IPO11: variants seen among roughly 807,000 people sequenced by gnomAD.
IPO11 encodes the protein importin-11.
A neutral mutation model predicts 143.2 loss-of-function variants in IPO11; 66 were observed. That is an observed-to-expected ratio of 0.46 (90% CI 0.38 to 0.57). The LOEUF (loss-of-function observed/expected upper bound fraction) is 0.57. Ranked by LOEUF, IPO11 falls within the 20% of genes least tolerant of loss-of-function variation. The probability of loss-of-function intolerance (pLI) is 0.00; values close to 1 mark genes in which losing one functional copy is unlikely to be tolerated. For missense variants in IPO11, 1,026 were observed against 1,141.0 expected, an observed-to-expected ratio of 0.90 and a Z score of 1.45; for synonymous variants, 385 against 377.8, an observed-to-expected ratio of 1.02 and a Z score of -0.22.
At chr5:62,489,547 G>A (rs1746531546) in intron 14 of IPO11, among the ~76,000 whole-genome samples, 198 bp downstream of exon 14, 1 of 152,184 alleles carries the variant, frequency 6.6e-6, no homozygotes, top group Admixed American at 6.5e-5. Flanking sequence ...TAAAGTAGGT[G>A]ATGATCACCA....
At chr5:62,559,342 G>C (rs773129198) in intron 26 of IPO11, among the ~76,000 whole-genome samples, 1 of 151,942 alleles carries the variant, frequency 6.6e-6, no homozygotes, top group Non-Finnish European at 1.5e-5. Context: ...GAAGGATAAT[G>C]AACAGTAGGT....
At chr5:62,430,619 G>A (rs1743948483) in intron 1 of IPO11, among the ~76,000 whole-genome samples, 2 of 151,452 alleles carry the variant, frequency 1.3e-5, no homozygotes, top group African/African-American at 4.9e-5. Context: ...GCCATGCCAG[G>A]CCCCTTAATC....
Position 62,515,519 on chromosome 5 carries a change from A to G in IPO11, c.1896+18A>G, listed in dbSNP as rs369807456. 46 of 1,523,824 alleles carry G rather than the reference A, an allele frequency of 3.0e-5. No homozygotes were observed. Among genetic ancestry groups the G allele is most frequent in the Middle Eastern group, 1.8e-4 (1 of 5,570 alleles). The allele number at this position is 1,523,824 out of a possible 1,614,324, so 94.4% of individuals were successfully genotyped here. ...TTGTTCAGGTAAGTCACTTCTCCACAGAGTTTTTTTAGTTTAGTGGTTTTT... is the reference window on the plus strand; with the variant it reads ...TTGTTCAGGTAAGTCACTTCTCCACGGAGTTTTTTTAGTTTAGTGGTTTTT... On this transcript the variant is annotated intron_variant, in intron 20 of 29. Transcript: ENST00000325324.
intron 19 of IPO11, among the ~76,000 whole-genome samples, chr5:62,513,420 C>CCG (rs1554052726): frequency 7.0e-6 from 1 of 142,378 alleles, no homozygotes; most frequent in Non-Finnish European, 1.6e-5. Flanking sequence ...GCTGACCCCC[C>CCG]CCCCACCTCC....
intron 27 of IPO11, among the ~76,000 whole-genome samples, chr5:62,572,796 T>G (rs1744182972): frequency 6.6e-6 from 1 of 152,172 alleles, no homozygotes; most frequent in Admixed American, 6.5e-5. Flanking sequence ...TTGCTCAGGC[T>G]GGTCTTGAAC....
chr5:62,440,747 G>T (rs1744440452), intron 2 of IPO11, among the ~76,000 whole-genome samples: 1 of 152,018 alleles, frequency 6.6e-6, no homozygotes, highest in Admixed American at 6.5e-5. Context: ...TGGATCACCT[G>T]AGGTCAGGCG....
intron 24 of IPO11, among the ~76,000 whole-genome samples, chr5:62,545,982 A>G (rs903507021): frequency 3.3e-5 from 5 of 152,170 alleles, no homozygotes; most frequent in Non-Finnish European, 7.4e-5. Context: ...AAATAGGAAC[A>G]CTTTTACACT....
chr5:62,601,463 C>G (rs928039576), intron 28 of IPO11: 1 of 204,446 alleles, frequency 4.9e-6, no homozygotes, highest in Non-Finnish European at 9.7e-6. Context: ...AAAGTGTATA[C>G]ATGCATTACT....
intron 16 of IPO11, among the ~76,000 whole-genome samples, chr5:62,500,435 G>C (rs1265906546): frequency 6.6e-6 from 1 of 152,146 alleles, no homozygotes; most frequent in Non-Finnish European, 1.5e-5. Flanking sequence ...ACATAAGCCA[G>C]TAACGTAGTT....
chr5:62,467,071 C>A, intron 5 of IPO11, 60 bp from the exon 6 acceptor site: 3 of 1,427,718 alleles, frequency 2.1e-6, no homozygotes, highest in South Asian at 1.3e-5. Context: ...CTTTGTAGTT[C>A]TAATGTATTA....
chr5:62,601,023 C>T (rs1359792188), intron 28 of IPO11, among the ~76,000 whole-genome samples: 2 of 152,170 alleles, frequency 1.3e-5, no homozygotes, highest in African/African-American at 2.4e-5. Context: ...CAAGAGAACC[C>T]AAACTTTCTT....
chr5:62,536,042 T>A (rs950412050), intron 22 of IPO11, among the ~76,000 whole-genome samples: 4 of 152,308 alleles, frequency 2.6e-5, no homozygotes, highest in African/African-American at 9.6e-5. Context: ...AAGGAATAGC[T>A]AAAAACGATA....
intron 27 of IPO11, among the ~76,000 whole-genome samples, chr5:62,562,396 G>A (rs1395303843): frequency 5.9e-5 from 9 of 152,186 alleles, no homozygotes; most frequent in African/African-American, 2.2e-4. Flanking sequence ...TCCATGAACT[G>A]GGGGAGGGGA....
At chr5:62,534,738 G>T (rs981785126) in intron 22 of IPO11, among the ~76,000 whole-genome samples, 1 of 152,112 alleles carries the variant, frequency 6.6e-6, no homozygotes, top group Non-Finnish European at 1.5e-5. Flanking sequence ...AGTATCCTCA[G>T]CTTCTACCTA....
chr5:62,417,317 G>A (rs1161852370), intron 1 of IPO11, among the ~76,000 whole-genome samples: 2 of 87,318 alleles, frequency 2.3e-5, no homozygotes, highest in African/African-American at 4.5e-5. Flanking sequence ...CTCCTTATTG[G>A]TTAATTTTTT....
At chr5:62,593,182 GA>G (rs5868313) in intron 28 of IPO11, among the ~76,000 whole-genome samples, 121,540 of 152,014 alleles carry the variant, frequency 0.8, 49,367 homozygotes, top group African/African-American at 0.94. Flanking sequence ...GTCAGGGAAA[GA>G]AAAAAAGGCA....
At chr5:62,481,378 A>G (rs562085519) in intron 9 of IPO11, among the ~76,000 whole-genome samples, 57 of 152,250 alleles carry the variant, frequency 3.7e-4, no homozygotes, top group African/African-American at 1.3e-3. Context: ...CCCATTCAGT[A>G]TGATATTGGT....
intron 1 of IPO11, among the ~76,000 whole-genome samples, chr5:62,417,898 T>G (rs1163657592): frequency 6.6e-6 from 1 of 152,196 alleles, no homozygotes; most frequent in Non-Finnish European, 1.5e-5. Context: ...AAGCCCAAAA[T>G]CTTAATTCTT....
chr5:62,528,680 A>G (rs953114913), intron 21 of IPO11, among the ~76,000 whole-genome samples: 2 of 152,222 alleles, frequency 1.3e-5, no homozygotes, highest in Non-Finnish European at 2.9e-5. Context: ...GAGGTGTTCC[A>G]TCCAATAGCT....
Sources: gnomAD v4.1 joint callset for allele counts (sites outside exome capture counted in the v4.1 genomes callset) on GRCh38, gnomAD v4.1.1 for gene constraint, MANE v1.5 for transcripts, NCBI Gene and HGNC (gene_info 2026-07-23, HGNC 2026-07-21) for gene names.